The following CD46 variants were observed in gnomAD, a reference collection of about 807,000 sequenced individuals.
CD46 encodes the protein CD46 molecule.
A neutral mutation model predicts 53.3 loss-of-function variants in CD46; 30 were observed. That is an observed-to-expected ratio of 0.56 (90% CI 0.42 to 0.76). The LOEUF (loss-of-function observed/expected upper bound fraction) is 0.76. CD46 is among the 30% of genes least tolerant of loss of function. The pLI, the probability that CD46 is intolerant of heterozygous loss-of-function variation, is 0.00. For missense variants in CD46, 409 were observed against 463.0 expected, an observed-to-expected ratio of 0.88 and a Z score of 1.07; for synonymous variants, 142 against 152.0, an observed-to-expected ratio of 0.93 and a Z score of 0.48.
rs1431977918 is a variant in CD46 at position 207,784,979 on chromosome 1, C to A, written c.983-92C>A. 8.1e-6 allele frequency: 9 copies of A among 1,111,666 alleles called. No homozygotes were observed. The East Asian group carries it at 1.9e-4, about 24-fold the overall frequency. 68.9% of individuals were successfully genotyped at this position (1,111,666 alleles called of 1,614,324 possible). ...GATGAGATTTGGGTGGGGACACAGC[C>A]AAACCATATCAAGTGTTTAGATGAT... On this transcript the variant is annotated intron_variant, in intron 9 of 12. Transcript: ENST00000367042.
chr1:207,767,861 T>G, intron 7 of CD46, 38 bp downstream of exon 7: 5 of 1,457,902 alleles, frequency 3.4e-6, no homozygotes, highest in Non-Finnish European at 4.8e-6. Flanking sequence ...TCAAAAATCC[T>G]TTAAATTCCT....
At chr1:207,765,965 A>G (rs748956334) in intron 5 of CD46, among the ~76,000 whole-genome samples, 1 of 152,234 alleles carries the variant, frequency 6.6e-6, no homozygotes, top group South Asian at 2.1e-4. Context: ...ACTCGTACTC[A>G]GCAATAAAAA....
chr1:207,767,937 G>A (rs2102600583), intron 7 of CD46, 114 bp downstream of exon 7: 1 of 868,422 alleles, frequency 1.2e-6, no homozygotes, highest in Admixed American at 1.9e-5. Flanking sequence ...ATGAAAGGAG[G>A]GAGGACATTT....
At chr1:207,778,334 G>A (rs1023347926) in intron 8 of CD46, among the ~76,000 whole-genome samples, 5 of 152,108 alleles carry the variant, frequency 3.3e-5, no homozygotes, top group African/African-American at 9.7e-5. Flanking sequence ...GATTGTTTTT[G>A]ATGTCTTTGT....
At chr1:207,776,384 G>A (rs1658109423) in intron 8 of CD46, among the ~76,000 whole-genome samples, 1 of 152,230 alleles carries the variant, frequency 6.6e-6, no homozygotes, top group Non-Finnish European at 1.5e-5. Context: ...GCCAGTCCCA[G>A]TGAGATGAAC....
At chr1:207,754,200 A>T (rs1462271051) in intron 1 of CD46, among the ~76,000 whole-genome samples, 1 of 152,218 alleles carries the variant, frequency 6.6e-6, no homozygotes, top group Non-Finnish European at 1.5e-5. Flanking sequence ...ACAGCATTTA[A>T]CAAATGATTG....
intron 8 of CD46, among the ~76,000 whole-genome samples, chr1:207,776,970 C>CT (rs1168727843): frequency 1.3e-5 from 2 of 152,080 alleles, no homozygotes; most frequent in African/African-American, 4.8e-5. Context: ...TGAATCTGAA[C>CT]TTTTTTTGAT....
chr1:207,783,612 C>A (rs1027101457), intron 9 of CD46: 1 of 262,236 alleles, frequency 3.8e-6, no homozygotes, highest in East Asian at 7.3e-5. Flanking sequence ...CTGTAACACG[C>A]TGATTTAACA....
intron 12 of CD46, 46 bp downstream of exon 12, chr1:207,790,391 A>G: frequency 1.0e-6 from 1 of 960,706 alleles, no homozygotes; most frequent in Non-Finnish European, 1.7e-6. Context: ...TTCTTTTGAA[A>G]AATATTCAGT....
chr1:207,785,956 G>A (rs753736360), intron 11 of CD46: 5 of 368,880 alleles, frequency 1.4e-5, no homozygotes, highest in Middle Eastern at 8.4e-4. Context: ...AAGTTATTTA[G>A]CAAATCATGG....
chr1:207,770,250 T>G, intron 7 of CD46, 71 bp from the exon 8 acceptor site: 2 of 1,103,296 alleles, frequency 1.8e-6, no homozygotes, highest in East Asian at 4.7e-5. Context: ...AAAATCAATA[T>G]CAAAATTAAA....
intron 9 of CD46, 169 bp downstream of exon 9, chr1:207,783,499 C>T: frequency 7.8e-6 from 4 of 513,378 alleles, no homozygotes; most frequent in South Asian, 5.6e-5. Context: ...TTTCTTTCCA[C>T]ATTATATTGT....
chr1:207,761,594 A>C, intron 5 of CD46, 148 bp downstream of exon 5: 1 of 691,194 alleles, frequency 1.4e-6, no homozygotes, highest in Non-Finnish European at 2.5e-6. Context: ...AGGTCAATTC[A>C]AGTCAAAAAA....
rs904960278 is a variant in CD46, at chr1:207,752,731, G to C, written c.97+422G>C. Among the ~76,000 whole-genome samples the C allele has an allele frequency of 3.9e-5, 6 of 152,128 alleles. No homozygotes were observed. The highest frequency in any genetic ancestry group is 1.4e-4 in the African/African-American group (6 of 41,434). On this transcript the variant is annotated intron_variant, in intron 1 of 12. Transcript: ENST00000367042. The surrounding 1 kb of genome is among the most constrained non-coding windows in gnomAD (Gnocchi z 4.1). ...GTGTTCCCTTGGTGCCTTGGTGAGT[G>C]GGGTGTTCATTAGGGCTTGGACAGT...
At chr1:207,757,713 C>A in intron 3 of CD46, 71 bp downstream of exon 3, 1 of 992,088 alleles carries the variant, frequency 1.0e-6, no homozygotes, top group Non-Finnish European at 1.6e-6. Flanking sequence ...TCTTCTTAAG[C>A]ATTCCTGTAA....
intron 8 of CD46, among the ~76,000 whole-genome samples, chr1:207,775,294 A>G (rs1016430700): frequency 5.9e-5 from 9 of 152,036 alleles, no homozygotes; most frequent in Admixed American, 3.9e-4. Context: ...TCTTTTTTCA[A>G]GGTTTTTACC....
chr1:207,768,525 T>C (rs545723417), intron 7 of CD46: 13 of 152,296 alleles, frequency 8.5e-5, no homozygotes, highest in African/African-American at 2.6e-4. Context: ...CATAATGTTA[T>C]TTATTTTTTT....
chr1:207,781,935 ATT>A (rs34834365), intron 8 of CD46, among the ~76,000 whole-genome samples: 50,019 of 150,760 alleles, frequency 0.33, 9,022 homozygotes, highest in Non-Finnish European at 0.41. Context: ...GGATTTTTCT[ATT>A]TCAGAAAAAA....
In CD46 at chr1:207,767,036, G is replaced by A; in HGVS notation, c.697G>A (p.Val233Ile). 2 of 1,613,638 alleles carry A rather than the reference G, an allele frequency of 1.2e-6. No individual in the cohort carries two copies. The highest frequency in any genetic ancestry group is 2.2e-5 in the South Asian group (2 of 91,072). ...CKVVKCRFPV[V>I]ENGKQISGFG... ...AGTGGTCAAATGTCGATTTCCAGTAGTCGAAAATGGAAAACAGATATCAGG... is the reference window on the plus strand; with the variant it reads ...AGTGGTCAAATGTCGATTTCCAGTAATCGAAAATGGAAAACAGATATCAGG... The change falls in exon 6 of 13, where the codon GTC becomes ATC. Residue 233 changes from valine to isoleucine, a missense_variant. Val to Ile is a conservative substitution (Grantham distance 29). Coordinates refer to ENST00000367042, the MANE Select transcript of CD46 (RefSeq NM_172351.3).
Sources: gnomAD v4.1 joint callset for allele counts (sites outside exome capture counted in the v4.1 genomes callset) on GRCh38, gnomAD v4.1.1 for gene constraint, Gnocchi (gnomAD v3.1) non-coding constraint, MANE v1.5 for transcripts, NCBI Gene and HGNC (gene_info 2026-07-23, HGNC 2026-07-21) for gene names.